Variants in ADGRB3 observed in about 807,000 individuals in gnomAD.
ADGRB3 encodes the protein adhesion G protein-coupled receptor B3, also known as brain-specific angiogenesis inhibitor 3.
Under a neutral mutation model 193.4 loss-of-function variants are expected in ADGRB3, and 37 were observed. The observed-to-expected ratio is 0.19, with a 90% CI of 0.15 to 0.25. The LOEUF (loss-of-function observed/expected upper bound fraction) is 0.25, where lower values mean the gene tolerates loss of function less well. ADGRB3 is among the 10% of genes least tolerant of loss of function. ADGRB3 has a pLI of 1.00. For missense variants in ADGRB3, 1,637 were observed against 1,852.9 expected (o/e 0.88, Z 2.14); for synonymous variants, 690 against 644.2 (o/e 1.07, Z -1.08).
intron 20 of ADGRB3, among the ~76,000 whole-genome samples, chr6:69,243,628 C>T (rs1245305705): frequency 1.3e-5 from 2 of 151,960 alleles, no homozygotes; most frequent in Non-Finnish European, 2.9e-5. Flanking sequence ...AAAGGGAATC[C>T]ATTAATACAT....
At chr6:69,298,942 T>G (rs1037971045) in intron 20 of ADGRB3, among the ~76,000 whole-genome samples, 10 of 152,094 alleles carry the variant, frequency 6.6e-5, no homozygotes, top group Admixed American at 2.6e-4. Flanking sequence ...TTTTTAGTTT[T>G]TTAAGGGGCC....
intron 26 of ADGRB3, among the ~76,000 whole-genome samples, chr6:69,346,293 A>C (rs1316954763): frequency 1.3e-5 from 2 of 152,190 alleles, no homozygotes; most frequent in African/African-American, 4.8e-5. Flanking sequence ...AATCCTAAGC[A>C]AAAAGAACAA....
intron 3 of ADGRB3, among the ~76,000 whole-genome samples, chr6:68,848,146 T>A (rs559693144): frequency 6.6e-6 from 1 of 151,992 alleles, no homozygotes; most frequent in Non-Finnish European, 1.5e-5. Flanking sequence ...TTAAAAACTT[T>A]TAAACATAAA....
In ADGRB3 at chr6:68,802,334, A is replaced by G. The variant is rs78563442; in HGVS notation, c.758-128225A>G. Among the ~76,000 whole-genome samples the G allele has an allele frequency of 1.8e-3, 278 of 152,224 alleles. 3 individuals carry two copies. The highest frequency in any genetic ancestry group is 6.5e-3 in the African/African-American group (268 of 41,526). On this transcript the variant is annotated intron_variant, in intron 3 of 31. Coordinates refer to ENST00000370598, the MANE Select transcript of ADGRB3 (RefSeq NM_001704.3). ...GCAGGATTTGAGATGGGAAGCAAACACTATAACATGTTGGCAATATAAAAT... is the reference window on the plus strand; with the variant it reads ...GCAGGATTTGAGATGGGAAGCAAACGCTATAACATGTTGGCAATATAAAAT...
intron 20 of ADGRB3, among the ~76,000 whole-genome samples, chr6:69,254,858 T>A (rs1273367200): frequency 0.013 from 860 of 65,298 alleles, 7 homozygotes; most frequent in Non-Finnish European, 0.02. Context: ...CCCTCCCCCC[T>A]CCCCCCACCC....
intron 3 of ADGRB3, among the ~76,000 whole-genome samples, chr6:68,883,660 C>A (rs780608899): frequency 6.6e-6 from 1 of 152,176 alleles, no homozygotes; most frequent in African/African-American, 2.4e-5. Flanking sequence ...CCGCAAAGGT[C>A]TGCACCTTCA....
intron 13 of ADGRB3, among the ~76,000 whole-genome samples, chr6:69,018,912 G>A (rs964977968): frequency 1.3e-5 from 2 of 151,852 alleles, no homozygotes; most frequent in African/African-American, 2.4e-5. Context: ...TGAGGATGCC[G>A]AGTTACTTTC....
At chr6:69,384,234 T>C (rs1297405561) in intron 31 of ADGRB3, among the ~76,000 whole-genome samples, 6 of 152,030 alleles carry the variant, frequency 3.9e-5, no homozygotes, top group Admixed American at 3.3e-4. Context: ...TTCATGTTCA[T>C]CAATTTTTCT....
intron 3 of ADGRB3, among the ~76,000 whole-genome samples, chr6:68,725,789 A>G (rs973653298): frequency 6.6e-6 from 1 of 151,654 alleles, no homozygotes; most frequent in Non-Finnish European, 1.5e-5. Flanking sequence ...ACACTAGCAC[A>G]GATCACAGAG....
chr6:69,062,885 T>C, intron 15 of ADGRB3, 49 bp from the exon 16 acceptor site: 1 of 1,364,396 alleles, frequency 7.3e-7, no homozygotes, highest in Non-Finnish European at 1.0e-6. Context: ...TAGGAATTTA[T>C]ACTTTTCAGC....
chr6:68,728,288 A>G (rs1210747528), intron 3 of ADGRB3, among the ~76,000 whole-genome samples: 1 of 151,598 alleles, frequency 6.6e-6, no homozygotes, highest in Non-Finnish European at 1.5e-5. Context: ...TAACATGTCC[A>G]GATGAGATTT....
At chr6:69,380,935 T>C (rs572637134) in intron 30 of ADGRB3, among the ~76,000 whole-genome samples, 2 of 151,962 alleles carry the variant, frequency 1.3e-5, no homozygotes, top group Admixed American at 1.3e-4. Flanking sequence ...CACTGTGCCA[T>C]AGAAGAAAAT....
intron 3 of ADGRB3, among the ~76,000 whole-genome samples, chr6:68,914,347 G>C (rs566947500): frequency 5.3e-5 from 8 of 152,226 alleles, no homozygotes; most frequent in African/African-American, 1.7e-4. Flanking sequence ...CGGATCTCTC[G>C]GCAGAAACTC....
At chr6:68,791,651 G>A (rs956685510) in intron 3 of ADGRB3, among the ~76,000 whole-genome samples, 1 of 152,108 alleles carries the variant, frequency 6.6e-6, no homozygotes, top group Non-Finnish European at 1.5e-5. Flanking sequence ...TGCCTCATTT[G>A]CCATATATGT....
intron 17 of ADGRB3, among the ~76,000 whole-genome samples, chr6:69,219,554 G>A (rs1229160278): frequency 1.4e-5 from 2 of 140,926 alleles, no homozygotes; most frequent in South Asian, 2.3e-4. Context: ...TATATTCTTG[G>A]CTGTAGGTAA....
intron 3 of ADGRB3, among the ~76,000 whole-genome samples, chr6:68,698,291 A>G (rs1361247162): frequency 6.6e-6 from 1 of 151,982 alleles, no homozygotes; most frequent in Non-Finnish European, 1.5e-5. Flanking sequence ...ATTAAAACAC[A>G]GAAATGCAAG....
At chr6:69,348,109 C>T (rs1012912033) in intron 26 of ADGRB3, among the ~76,000 whole-genome samples, 5 of 152,146 alleles carry the variant, frequency 3.3e-5, no homozygotes, top group Admixed American at 2.0e-4. Flanking sequence ...GATTTTCACA[C>T]ATGGTTCTCC....
At chr6:69,209,528 A>G (rs1765609524) in intron 17 of ADGRB3, among the ~76,000 whole-genome samples, 1 of 152,260 alleles carries the variant, frequency 6.6e-6, no homozygotes, top group East Asian at 1.9e-4. Context: ...TCCAATCAAC[A>G]TAATGTCATC....
intron 3 of ADGRB3, among the ~76,000 whole-genome samples, chr6:68,857,204 C>T (rs992052191): frequency 1.3e-5 from 2 of 152,178 alleles, no homozygotes; most frequent in Non-Finnish European, 2.9e-5. Flanking sequence ...GGGGTTGGAG[C>T]CCCCACACAG....
Sources: allele counts gnomAD v4.1 joint callset (sites outside exome capture counted in the v4.1 genomes callset), GRCh38; gene constraint gnomAD v4.1.1; transcripts MANE v1.5; gene names NCBI Gene and HGNC (gene_info 2026-07-23, HGNC 2026-07-21).